Variants in CNBD1 observed in about 807,000 individuals in gnomAD.
The protein encoded by CNBD1 is cyclic nucleotide-binding domain-containing protein 1.
In CNBD1, 71 loss-of-function variants were observed where a neutral mutation model predicts 54.4. The observed-to-expected ratio is 1.30, with a 90% CI of 1.08 to 1.59. CNBD1 has a LOEUF of 1.59. Ranked by LOEUF, CNBD1 falls within the 40% of genes most tolerant of loss-of-function variation. The probability of loss-of-function intolerance (pLI) is 0.00; values close to 1 mark genes in which losing one functional copy is unlikely to be tolerated. For missense variants in CNBD1, 659 were observed against 518.0 expected (o/e 1.27, Z -2.64); for synonymous variants, 182 against 170.7 (o/e 1.07, Z -0.51).
chr8:87,367,965 T>G (rs1586051903), intron 10 of CNBD1, among the ~76,000 whole-genome samples: 1 of 151,612 alleles, frequency 6.6e-6, no homozygotes, highest in Non-Finnish European at 1.5e-5. Context: ...AGGTCAGGAG[T>G]TTGATTACCA....
chr8:87,373,835 A>G (rs1586058425), intron 10 of CNBD1, among the ~76,000 whole-genome samples: 2 of 151,806 alleles, frequency 1.3e-5, no homozygotes, highest in East Asian at 1.9e-4. Context: ...TTAAACTTCA[A>G]TATTTTTAGA....
chr8:86,958,821 C>A (rs1013099188), intron 4 of CNBD1, among the ~76,000 whole-genome samples: 1 of 152,142 alleles, frequency 6.6e-6, no homozygotes, highest in Non-Finnish European at 1.5e-5. Context: ...GCATTTAGCC[C>A]ATTTACATTT....
chr8:87,265,208 T>A (rs988009044), intron 6 of CNBD1, among the ~76,000 whole-genome samples: 2 of 152,142 alleles, frequency 1.3e-5, no homozygotes, highest in African/African-American at 4.8e-5. Flanking sequence ...CAGTTTCAGC[T>A]TTCTACATAT....
intron 4 of CNBD1, among the ~76,000 whole-genome samples, chr8:87,004,728 G>A (rs1809060900): frequency 6.6e-6 from 1 of 151,964 alleles, no homozygotes; most frequent in South Asian, 2.1e-4. Flanking sequence ...CTACAGGAAG[G>A]GGTAAGAAGG....
chr8:86,922,046 T>C (rs916242468), intron 3 of CNBD1, among the ~76,000 whole-genome samples: 1 of 152,036 alleles, frequency 6.6e-6, no homozygotes, highest in Non-Finnish European at 1.5e-5. Flanking sequence ...GAGGAGGCTT[T>C]CTTGAGGAAG....
At chr8:87,021,523 G>C (rs1403699090) in intron 4 of CNBD1, among the ~76,000 whole-genome samples, 1 of 152,158 alleles carries the variant, frequency 6.6e-6, no homozygotes, top group East Asian at 1.9e-4. Context: ...GGCTACATTT[G>C]CTTATCAAAG....
At chr8:86,911,952 A>G (rs1249612787) in intron 3 of CNBD1, among the ~76,000 whole-genome samples, 2 of 152,146 alleles carry the variant, frequency 1.3e-5, no homozygotes, top group Non-Finnish European at 2.9e-5. Flanking sequence ...TTTAATGCTG[A>G]TGAAAAAAAT....
chr8:87,106,691 T>C (rs1450292689), intron 4 of CNBD1, among the ~76,000 whole-genome samples: 1 of 152,214 alleles, frequency 6.6e-6, no homozygotes, highest in African/African-American at 2.4e-5. Flanking sequence ...ATGATAAGAA[T>C]ACAAACCACA....
intron 4 of CNBD1, among the ~76,000 whole-genome samples, chr8:87,087,615 C>A (rs1248204814): frequency 6.6e-6 from 1 of 151,738 alleles, no homozygotes; most frequent in Non-Finnish European, 1.5e-5. Flanking sequence ...AGGCGCCAGC[C>A]ACCACGCCCG....
chr8:86,878,172 T>C (rs887323128), intron 1 of CNBD1, among the ~76,000 whole-genome samples: 2 of 151,990 alleles, frequency 1.3e-5, no homozygotes, highest in Non-Finnish European at 2.9e-5. Context: ...GGCATAATTA[T>C]TATTCTAGTG....
At chr8:87,382,461 T>C (rs1339588650) in intron 10 of CNBD1, among the ~76,000 whole-genome samples, 159 bp from the exon 11 acceptor site, 1 of 152,038 alleles carries the variant, frequency 6.6e-6, no homozygotes, top group African/African-American at 2.4e-5. Context: ...AAGTGTTACA[T>C]TATTTCTAGA....
chr8:87,406,362 A>G (rs568573696), intron 2 of CNBD1, among the ~76,000 whole-genome samples: 1 of 152,038 alleles, frequency 6.6e-6, no homozygotes, highest in South Asian at 2.1e-4. Flanking sequence ...ACCACAGTAA[A>G]TTCTCAATGC....
chr8:87,244,243 C>T, intron 6 of CNBD1, among the ~76,000 whole-genome samples: 1 of 152,082 alleles, frequency 6.6e-6, no homozygotes, highest in East Asian at 1.9e-4. Flanking sequence ...CAAATGGCTG[C>T]ATTTCTTTCG....
At chr8:86,997,468 C>T (rs1256953281) in intron 4 of CNBD1, among the ~76,000 whole-genome samples, 1 of 152,130 alleles carries the variant, frequency 6.6e-6, no homozygotes, top group Non-Finnish European at 1.5e-5. Context: ...GTATTTCAGA[C>T]TTTTAGTCCT....
chr8:87,375,715 G>C (rs77731383), intron 10 of CNBD1, among the ~76,000 whole-genome samples: 9,908 of 151,894 alleles, frequency 0.065, 486 homozygotes, highest in Non-Finnish European at 0.1. Flanking sequence ...TTTTTAAAAT[G>C]TCTGCTTAAA....
At chr8:87,259,544 T>C (rs1808092671) in intron 6 of CNBD1, among the ~76,000 whole-genome samples, 1 of 152,242 alleles carries the variant, frequency 6.6e-6, no homozygotes, top group Non-Finnish European at 1.5e-5. Flanking sequence ...TATTTCACTT[T>C]CAAAATATTT....
chr8:87,389,123 G>T (rs1811254557), intron 2 of CNBD1, among the ~76,000 whole-genome samples: 1 of 152,116 alleles, frequency 6.6e-6, no homozygotes, highest in Non-Finnish European at 1.5e-5. Context: ...AGCTATTTAT[G>T]ACAAACCCAC....
At chr8:86,926,785 C>T (rs2131830367) in intron 3 of CNBD1, among the ~76,000 whole-genome samples, 1 of 152,302 alleles carries the variant, frequency 6.6e-6, no homozygotes, top group African/African-American at 2.4e-5. Flanking sequence ...CAGACCCTGT[C>T]ATTTCCCATA....
chr8:87,426,025 C>T (rs957938118), intron 2 of CNBD1, among the ~76,000 whole-genome samples: 1 of 152,154 alleles, frequency 6.6e-6, no homozygotes, highest in African/African-American at 2.4e-5. Flanking sequence ...TCGTGGTGCA[C>T]CGTTTTTTAA....
Sources: gnomAD v4.1 joint callset for allele counts (sites outside exome capture counted in the v4.1 genomes callset) on GRCh38, gnomAD v4.1.1 for gene constraint, MANE v1.5 for transcripts, NCBI Gene and HGNC (gene_info 2026-07-23, HGNC 2026-07-21) for gene names.